The following C14orf119 variants were observed in gnomAD, a reference collection of about 807,000 sequenced individuals.
C14orf119 encodes the protein uncharacterized protein C14orf119.
In C14orf119, 17 loss-of-function variants were observed where a neutral mutation model predicts 13.5. The ratio of observed to expected loss-of-function variants is 1.26; its 90% CI spans 0.86 to 1.88. The LOEUF is 1.88. C14orf119 is among the 40% of genes most tolerant of loss of function. The pLI is 0.00. For synonymous variants in C14orf119, 61 were observed against 61.9 expected (o/e 0.99, Z 0.07); for missense variants, 162 against 165.9 (o/e 0.98, Z 0.13).
chr14:23,095,527 C>T lies in C14orf119; in HGVS notation c.-94C>T. 1 of 529,456 alleles carries T rather than the reference C, an allele frequency of 1.9e-6. No individual in the cohort carries two copies. The highest frequency in any genetic ancestry group is 3.3e-6 in the Non-Finnish European group (1 of 303,584). The allele number at this position is 529,456 out of a possible 1,614,324, so 32.8% of individuals were successfully genotyped here. On this transcript the variant is annotated 5_prime_UTR_variant, in exon 1 of 2. Coordinates refer to ENST00000319074, the MANE Select transcript of C14orf119 (RefSeq NM_017924.4). ...TGCGTGGGCTGCCGGGCTGGCCCAG[C>T]TTAGGGTTTTCAGGAAATTTGGAAG...
chr14:23,098,820 T>G lies in C14orf119; in HGVS notation c.*739T>G, dbSNP rs985771022. 6.2e-6 allele frequency: 1 copy of G among 160,942 alleles called. No homozygotes were observed. Among genetic ancestry groups the G allele is most frequent in the African/African-American group, 2.4e-5 (1 of 41,396 alleles). 10.0% of individuals were successfully genotyped at this position (160,942 alleles called of 1,614,324 possible). ...AGGACTACAGGCCCGCACAACAATA[T>G]CTGGCTAATTTTTAAATTATTCTGT... On this transcript the variant is annotated 3_prime_UTR_variant, in exon 2 of 2. Coordinates refer to ENST00000319074, the MANE Select transcript of C14orf119 (RefSeq NM_017924.4).
chr14:23,099,184 A>G lies in C14orf119; in HGVS notation c.*1103A>G. The G allele has an allele frequency of 2.4e-6, 1 of 412,418 alleles. No individual in the cohort carries two copies. Among genetic ancestry groups the G allele is most frequent in the Non-Finnish European group, 4.4e-6 (1 of 225,946 alleles). 25.5% of individuals were successfully genotyped at this position (412,418 alleles called of 1,614,324 possible). ...TGACAACCGGGGAAAGAGGCATTCC[A>G]AAGAAAGTAGAAATTAAGTATACAC... On this transcript the variant is annotated 3_prime_UTR_variant, in exon 2 of 2. Transcript: ENST00000319074.
rs2048409693 is a variant in C14orf119 at position 23,099,138 on chromosome 14, C to T, written c.*1057C>T. On this transcript the variant is annotated 3_prime_UTR_variant, in exon 2 of 2. Coordinates refer to ENST00000319074, the MANE Select transcript of C14orf119 (RefSeq NM_017924.4). ...GAACTGTAAAACTTCACCCTTTTTT[C>T]ATTGCCAGGCTATATAATATTGACA... 1 of 410,518 alleles carries T rather than the reference C, an allele frequency of 2.4e-6. No homozygotes were observed. The highest frequency in any genetic ancestry group is 4.4e-6 in the Non-Finnish European group (1 of 224,960). The allele number at this position is 410,518 out of a possible 1,614,324, so 25.4% of individuals were successfully genotyped here.
In C14orf119 at chr14:23,096,559, A is replaced by G. The variant is rs1185846890; in HGVS notation, c.-2+940A>G. ...ATTGCAAGGCACCAATAGATACCAT[A>G]CTAAAAAAAAAAAAAAATTTTTTTT... On this transcript the variant is annotated intron_variant, in intron 1 of 1. Coordinates refer to ENST00000319074, the MANE Select transcript of C14orf119 (RefSeq NM_017924.4). Among the ~76,000 whole-genome samples, 11 of 145,008 alleles carry G rather than the reference A, an allele frequency of 7.6e-5. No homozygotes were observed. The East Asian group carries it at 2.2e-3, about 29-fold the overall frequency.
In C14orf119 at chr14:23,098,121, G is replaced by A; in HGVS notation, c.*40G>A. ...AAAGAAGATAACCATAGCTGATGGA[G>A]CCATGACTCTCTACAATGATAACTC... is the stretch of plus-strand genomic sequence containing the variant. On this transcript the variant is annotated 3_prime_UTR_variant, in exon 2 of 2. Coordinates refer to ENST00000319074, the MANE Select transcript of C14orf119 (RefSeq NM_017924.4). 6.3e-7 allele frequency: 1 copy of A among 1,577,716 alleles called. No individual in the cohort carries two copies. Among genetic ancestry groups the A allele is most frequent in the East Asian group, 2.2e-5 (1 of 44,574 alleles).
rs141458167 is a variant in C14orf119, at chr14:23,099,721, C to T, written c.*1640C>T. The T allele has an allele frequency of 1.4e-3, 437 of 317,252 alleles. 3 individuals carry two copies. The highest frequency in any genetic ancestry group is 7.7e-3 in the South Asian group (48 of 6,208). The allele number at this position is 317,252 out of a possible 1,614,324, so 19.7% of individuals were successfully genotyped here. A position where few individuals can be genotyped will look rare whatever the true frequency, so the allele number is the denominator to read the frequency against. Reference sequence around the variant, plus strand: ...ACTACAGGCGCACGCCGCACCACCACGTCTGGCTAAGGGGCTTTACCCTTA... The same window carrying T: ...ACTACAGGCGCACGCCGCACCACCATGTCTGGCTAAGGGGCTTTACCCTTA... On this transcript the variant is annotated 3_prime_UTR_variant, in exon 2 of 2. Transcript: ENST00000319074.
At chr14:23,096,254 CGCCTATAATCCCAGCACTTTGGGAG>C (rs2048369809) in intron 1 of C14orf119, among the ~76,000 whole-genome samples, 1 of 152,178 alleles carries the variant, frequency 6.6e-6, no homozygotes. Context: ...CGGTGGCTTA[CGCCTATAATCCCAGCACTTTGGGAG>C]GCCGAGGCGG....
intron 1 of C14orf119, among the ~76,000 whole-genome samples, chr14:23,096,885 A>G (rs2048384971): frequency 1.3e-5 from 2 of 152,204 alleles, no homozygotes; most frequent in South Asian, 4.1e-4. Flanking sequence ...CGTCTGGCCC[A>G]TACTAAATAT....
chr14:23,097,813 C>T lies in C14orf119; in HGVS notation c.155C>T (p.Pro52Leu). 6.2e-7 allele frequency: 1 copy of T among 1,614,198 alleles called. No homozygotes were observed. Among genetic ancestry groups the T allele is most frequent in the Non-Finnish European group, 8.5e-7 (1 of 1,180,034 alleles). The part of the protein sequence containing the change: ...ILHWFANWSG[P>L]QRERFLEDLV... ...CACTGGTTTGCCAATTGGTCAGGTC[C>T]CCAGCGTGAACGTTTCCTAGAGGAC... The change falls in exon 2 of 2, where the codon CCC (proline) becomes CTC (leucine). Residue 52 changes from proline to leucine, a missense_variant. By Grantham distance (98) the Pro-to-Leu change is moderately conservative (BLOSUM62 -3). Transcript: ENST00000319074.
rs2140277745 is a variant in C14orf119 at position 23,097,643 on chromosome 14, G to A, written c.-1-15G>A. ...CTCTACCTGGAGAGCATATAACAGT[G>A]CTTTTATGTTTCAGGATGCCACTGG... On this transcript the variant is annotated splice_polypyrimidine_tract_variant and intron_variant, in intron 1 of 1. Transcript: ENST00000319074. 6.2e-7 allele frequency: 1 copy of A among 1,610,076 alleles called. No individual in the cohort carries two copies. The highest frequency in any genetic ancestry group is 2.2e-5 in the East Asian group (1 of 44,816).
At position 23,097,657 on chromosome 14, in the gene C14orf119, G is replaced by A. The variant is rs374473374; in HGVS notation, c.-1-1G>A. ...CATATAACAGTGCTTTTATGTTTCAGGATGCCACTGGAGTCATCCTCTTCA... is the reference window on the plus strand; with the variant it reads ...CATATAACAGTGCTTTTATGTTTCAAGATGCCACTGGAGTCATCCTCTTCA... On this transcript the variant is annotated splice_acceptor_variant, in intron 1 of 1. Coordinates refer to ENST00000319074, the MANE Select transcript of C14orf119 (RefSeq NM_017924.4). LOFTEE classifies it low-confidence loss of function (5UTR_SPLICE). 3.1e-5 allele frequency: 50 copies of A among 1,611,048 alleles called. No individual in the cohort carries two copies. The highest frequency in any genetic ancestry group is 3.3e-4 in the Middle Eastern group (2 of 6,072).
chr14:23,100,121 G>C lies in C14orf119; in HGVS notation c.*2040G>C, dbSNP rs1177241697. On this transcript the variant is annotated 3_prime_UTR_variant, in exon 2 of 2. Transcript: ENST00000319074. Reference sequence around the variant, plus strand: ...AATACAAAAATTAGCTGGCATGGTGGTGTGCACCTGTAGTCCCAGCTACTT... The same window carrying C: ...AATACAAAAATTAGCTGGCATGGTGCTGTGCACCTGTAGTCCCAGCTACTT... 6.1e-6 allele frequency: 1 copy of C among 165,170 alleles called. No homozygotes were observed. The highest frequency in any genetic ancestry group is 2.4e-5 in the African/African-American group (1 of 41,958). 10.2% of individuals were successfully genotyped at this position (165,170 alleles called of 1,614,324 possible).
chr14:23,100,165 A>G lies in C14orf119; in HGVS notation c.*2084A>G. 1 of 189,802 alleles carries G rather than the reference A, an allele frequency of 5.3e-6. No individual in the cohort carries two copies. Among genetic ancestry groups the G allele is most frequent in the Non-Finnish European group, 1.1e-5 (1 of 91,092 alleles). 11.8% of individuals were successfully genotyped at this position (189,802 alleles called of 1,614,324 possible). A position where few individuals can be genotyped will look rare whatever the true frequency, so the allele number is the denominator to read the frequency against. The stretch of plus-strand genomic sequence containing the variant: ...GCTACTTGGGAAGCTGAGGTGGGGG[A>G]ATCACTTGAGCCTAGGGAGGTCGAG... On this transcript the variant is annotated 3_prime_UTR_variant, in exon 2 of 2. Transcript: ENST00000319074.
chr14:23,095,521 GC>G lies in C14orf119; in HGVS notation c.-97del. The G allele has an allele frequency of 1.8e-6, 1 of 555,676 alleles. No individual in the cohort carries two copies. Among genetic ancestry groups the G allele is most frequent in the Non-Finnish European group, 3.1e-6 (1 of 320,390 alleles). The allele number at this position is 555,676 out of a possible 1,614,324, so 34.4% of individuals were successfully genotyped here. ...CGGAAGTGCGTGGGCTGCCGGGCTGGCCCAGCTTAGGGTTTTCAGGAAATTT... is the reference window on the plus strand; with the variant it reads ...CGGAAGTGCGTGGGCTGCCGGGCTGGCCAGCTTAGGGTTTTCAGGAAATTT... On this transcript the variant is annotated 5_prime_UTR_variant, in exon 1 of 2. Coordinates refer to ENST00000319074, the MANE Select transcript of C14orf119 (RefSeq NM_017924.4).
In C14orf119 at chr14:23,098,094, C is replaced by A. The variant is rs2048400625; in HGVS notation, c.*13C>A. On this transcript the variant is annotated 3_prime_UTR_variant, in exon 2 of 2. Coordinates refer to ENST00000319074, the MANE Select transcript of C14orf119 (RefSeq NM_017924.4). ...TGGTAAGGACTGATAGGCATTCAGA[C>A]CAAAGAAGATAACCATAGCTGATGG... is the stretch of plus-strand genomic sequence containing the variant. 1 of 1,607,292 alleles carries A rather than the reference C, an allele frequency of 6.2e-7. No individual in the cohort carries two copies. Among genetic ancestry groups the A allele is most frequent in the African/African-American group, 1.3e-5 (1 of 74,740 alleles).
intron 1 of C14orf119, 108 bp from the exon 2 acceptor site, chr14:23,097,550 A>C (rs1201077899): frequency 4.0e-6 from 4 of 990,540 alleles, no homozygotes; most frequent in Non-Finnish European, 6.0e-6. Context: ...CATAAAAAGT[A>C]ATTTTCTCTG....
At chr14:23,095,728 TCCTCTGA>T (rs573610010) in intron 1 of C14orf119, 109 bp downstream of exon 1, 1 of 167,104 alleles carries the variant, frequency 6.0e-6, no homozygotes, top group Non-Finnish European at 1.3e-5. Context: ...CTGCCCTCTG[TCCTCTGA>T]ATCATAGCCA....
At position 23,099,637 on chromosome 14, in the gene C14orf119, G is replaced by T. The variant is rs746534203; in HGVS notation, c.*1556G>T. ...TGCAGTGGTGTGATCTTGGCTCACC[G>T]TAATCTCCGCCTCCCAGGCTCAAGC... On this transcript the variant is annotated 3_prime_UTR_variant, in exon 2 of 2. Coordinates refer to ENST00000319074, the MANE Select transcript of C14orf119 (RefSeq NM_017924.4). 3.0e-4 allele frequency: 111 copies of T among 372,484 alleles called. No homozygotes were observed. The Middle Eastern group carries it at 4.9e-3, about 16-fold the overall frequency. The allele number at this position is 372,484 out of a possible 1,614,324, so 23.1% of individuals were successfully genotyped here. A position where few individuals can be genotyped will look rare whatever the true frequency, so the allele number is the denominator to read the frequency against.
intron 1 of C14orf119, among the ~76,000 whole-genome samples, chr14:23,097,265 A>C (rs3742484): frequency 6.6e-6 from 1 of 152,132 alleles, no homozygotes; most frequent in Admixed American, 6.5e-5. Context: ...AAATGTGTGC[A>C]TTTTCATTTT....
Sources: allele counts gnomAD v4.1 joint callset (sites outside exome capture counted in the v4.1 genomes callset), GRCh38; gene constraint gnomAD v4.1.1; transcripts MANE v1.5; gene names NCBI Gene and HGNC (gene_info 2026-07-23, HGNC 2026-07-21).